Variants in WFDC3 observed in about 807,000 individuals in gnomAD.
WFDC3 encodes the protein WAP four-disulfide core domain protein 3.
WFDC3 carries 15 observed loss-of-function variants against 25.8 expected under a neutral mutation model. That is an observed-to-expected ratio of 0.58 (90% CI 0.39 to 0.89). WFDC3 has a LOEUF of 0.89. Among genes scored for constraint, WFDC3 ranks in the 40% least tolerant of loss-of-function variants. The pLI, the probability that WFDC3 is intolerant of heterozygous loss-of-function variation, is 0.00. For synonymous variants in WFDC3, 103 were observed against 107.1 expected, an observed-to-expected ratio of 0.96 and a Z score of 0.24; for missense variants, 264 against 289.8, an observed-to-expected ratio of 0.91 and a Z score of 0.65.
At chr20:45,786,219 A>G (rs1411112447) in intron 4 of WFDC3, among the ~76,000 whole-genome samples, 4 of 152,074 alleles carry the variant, frequency 2.6e-5, no homozygotes, top group Non-Finnish European at 5.9e-5. Flanking sequence ...GTGAGACCCC[A>G]TCTCTCCTAA....
At position 45,780,758 on chromosome 20, in the gene WFDC3, AGTT is replaced by A. The variant is rs1000083840; in HGVS notation, c.359-3552_359-3550del. On this transcript the variant is annotated intron_variant, in intron 4 of 6. Coordinates refer to ENST00000243938, the MANE Select transcript of WFDC3 (RefSeq NM_080614.2). ...CCACTATGTCTGAGAGAAAGATGCC[AGTT>A]GTTGTTGGAAAAGTAAAATTTCAGC... 2.0e-5 allele frequency among the ~76,000 whole-genome samples: 3 copies of A among 152,160 alleles called. No individual in the cohort carries two copies. In the East Asian group the frequency reaches 5.8e-4, roughly 29 times the overall value.
chr20:45,776,604 AAAAAAAAAGAAAAAAAAG>A (rs1217460469), intron 5 of WFDC3, among the ~76,000 whole-genome samples: 1,806 of 44,570 alleles, frequency 0.041, 49 homozygotes, highest in Non-Finnish European at 0.055. Flanking sequence ...TCTCAAAAAA[AAAAAAAAAGAAAAAAAAG>A]AAAAAAAAAA....
intron 5 of WFDC3, among the ~76,000 whole-genome samples, chr20:45,776,382 C>A (rs1187191050): frequency 1.1e-4 from 16 of 144,960 alleles, no homozygotes; most frequent in African/African-American, 4.1e-4. Context: ...CCGAGACAGG[C>A]AGATCACGAG....
chr20:45,788,843 C>T (rs375756958), intron 3 of WFDC3, 88 bp downstream of exon 3: 1 of 1,504,610 alleles, frequency 6.6e-7, no homozygotes, highest in Non-Finnish European at 8.9e-7. Flanking sequence ...CCAGAGGCAA[C>T]CTAGAAGGTG....
intron 4 of WFDC3, among the ~76,000 whole-genome samples, chr20:45,783,071 CTA>C (rs10523104): frequency 0.65 from 98,688 of 151,786 alleles, 32,286 homozygotes; most frequent in Admixed American, 0.72. Flanking sequence ...GTCTGTCACA[CTA>C]TATGAGCAAG....
At chr20:45,788,741 T>C in intron 3 of WFDC3, 190 bp downstream of exon 3, 1 of 689,490 alleles carries the variant, frequency 1.5e-6, no homozygotes, top group Non-Finnish European at 2.3e-6. Context: ...CGCTCTTTCC[T>C]GATGGAAGGC....
intron 4 of WFDC3, among the ~76,000 whole-genome samples, chr20:45,781,806 A>G (rs1980456848): frequency 6.6e-6 from 1 of 152,220 alleles, no homozygotes; most frequent in African/African-American, 2.4e-5. Flanking sequence ...GTTTAGGCAC[A>G]GTGAACCACT....
chr20:45,789,255 C>A (rs920053948), intron 2 of WFDC3, among the ~76,000 whole-genome samples, 196 bp from the exon 3 acceptor site: 3 of 151,188 alleles, frequency 2.0e-5, no homozygotes, highest in African/African-American at 7.3e-5. Context: ...GCCTGTAATC[C>A]CAGCACTTTG....
chr20:45,783,338 C>T (rs1004083971), intron 4 of WFDC3, among the ~76,000 whole-genome samples: 1 of 151,910 alleles, frequency 6.6e-6, no homozygotes, highest in African/African-American at 2.4e-5. Flanking sequence ...TCTGGCCGGA[C>T]ACAGTGGTTT....
chr20:45,791,173 CTTTTTTTTTTTTTTTTTT>C (rs71181859), intron 1 of WFDC3, among the ~76,000 whole-genome samples: 3 of 63,916 alleles, frequency 4.7e-5, no homozygotes, highest in South Asian at 1.4e-3. Context: ...GCCTAATATG[CTTTTTTTTTTTTTTTTTT>C]TTTTTTTTTT....
At chr20:45,781,215 C>T (rs1980430059) in intron 4 of WFDC3, among the ~76,000 whole-genome samples, 1 of 152,166 alleles carries the variant, frequency 6.6e-6, no homozygotes, top group Non-Finnish European at 1.5e-5. Flanking sequence ...CACCACTGCA[C>T]TCCATCCTGG....
At chr20:45,791,485 C>T (rs1407464933) in intron 1 of WFDC3, among the ~76,000 whole-genome samples, 7 of 151,846 alleles carry the variant, frequency 4.6e-5, no homozygotes, top group Admixed American at 4.6e-4. Flanking sequence ...TTAGTAGAGA[C>T]GGGGTTTCGC....
At chr20:45,783,462 A>G (rs1331114328) in intron 4 of WFDC3, among the ~76,000 whole-genome samples, 1 of 151,982 alleles carries the variant, frequency 6.6e-6, no homozygotes, top group Non-Finnish European at 1.5e-5. Flanking sequence ...TGGGTGATAG[A>G]GTGAGACCTT....
intron 4 of WFDC3, among the ~76,000 whole-genome samples, chr20:45,780,805 G>A (rs1307632665): frequency 6.6e-6 from 1 of 152,076 alleles, no homozygotes; most frequent in Non-Finnish European, 1.5e-5. Flanking sequence ...ACCCAAGAAG[G>A]GCCCTCTGAG....
chr20:45,776,232 A>T (rs988355978), intron 5 of WFDC3, among the ~76,000 whole-genome samples: 2 of 151,738 alleles, frequency 1.3e-5, no homozygotes, highest in African/African-American at 2.4e-5. Flanking sequence ...TTGTTTTTTT[A>T]AAATGTTGAA....
chr20:45,787,693 G>T, intron 4 of WFDC3, 143 bp downstream of exon 4: 2 of 1,137,302 alleles, frequency 1.8e-6, no homozygotes, highest in Non-Finnish European at 1.2e-6. Context: ...AATGATTATG[G>T]CTTGTGCACC....
intron 1 of WFDC3, 67 bp from the exon 2 acceptor site, chr20:45,790,049 G>A (rs759610822): frequency 7.6e-7 from 1 of 1,309,882 alleles, no homozygotes; most frequent in Non-Finnish European, 1.1e-6. Flanking sequence ...ATCAGCTGAG[G>A]TATGAGCAGG....
intron 2 of WFDC3, among the ~76,000 whole-genome samples, chr20:45,789,549 C>T (rs982874251): frequency 2.6e-5 from 4 of 151,506 alleles, no homozygotes; most frequent in African/African-American, 9.7e-5. Context: ...CCTCCTCATA[C>T]ACAAATACTA....
intron 1 of WFDC3, among the ~76,000 whole-genome samples, chr20:45,790,641 C>T (rs1017142235): frequency 1.1e-4 from 17 of 151,930 alleles, no homozygotes; most frequent in Admixed American, 9.8e-4. Flanking sequence ...AGGAGAATAG[C>T]TTGAACCCAG....
Sources: allele counts gnomAD v4.1 joint callset (sites outside exome capture counted in the v4.1 genomes callset), GRCh38; gene constraint gnomAD v4.1.1; transcripts MANE v1.5; gene names NCBI Gene and HGNC (gene_info 2026-07-23, HGNC 2026-07-21).